TUBGCP6: variants seen among roughly 807,000 people sequenced by gnomAD.
TUBGCP6 encodes the protein tubulin gamma complex component 6.
In TUBGCP6, 161 loss-of-function variants were observed where a neutral mutation model predicts 175.8. That is an observed-to-expected ratio of 0.92 (90% CI 0.81 to 1.04). TUBGCP6 has a LOEUF of 1.04. TUBGCP6 is among the 50% of genes least tolerant of loss of function. The pLI is 0.00. For missense variants in TUBGCP6, 2,572 were observed against 2,433.0 expected (o/e 1.06, Z -1.20); for synonymous variants, 1,173 against 1,030.5 (o/e 1.14, Z -2.65).
chr22:50,224,245 C>T lies in TUBGCP6; in HGVS notation c.2166G>A (p.Ala722=), dbSNP rs374213322. The T allele has an allele frequency of 5.6e-6, 9 of 1,613,996 alleles. No homozygotes were observed. The highest frequency in any genetic ancestry group is 4.0e-5 in the African/African-American group (3 of 74,908). The change falls in exon 13 of 25, where the codon GCG becomes GCA. Residue 722 remains alanine (A), a synonymous_variant. Transcript: ENST00000248846. ...CATCATCCAGCTCCTCCTGCCTGGC[C>T]GCCTGGCGTCGCTATAAAACACATA... ...QFVKDQERRQ[A]ARQEELDDDF...
Position 50,219,446 on chromosome 22 carries a change from G to C in TUBGCP6, c.4326C>G (p.Pro1442=), listed in dbSNP as rs76633938. The change falls in exon 19 of 25, where the codon CCC becomes CCG. Residue 1442 remains proline, a synonymous_variant. Transcript: ENST00000248846. Reference sequence around the variant, plus strand: ...GCACGGGGCGCAAAAGATGAGCAATGGGCGGCTCGGCTGCGGGAGATGGAG... The same window carrying C: ...GCACGGGGCGCAAAAGATGAGCAATCGGCGGCTCGGCTGCGGGAGATGGAG... The part of the protein sequence containing the change: ...PDSYESMSEP[P]IAHLLRPVLP... 8.6e-5 allele frequency: 135 copies of C among 1,575,906 alleles called. No individual in the cohort carries two copies. The highest frequency in any genetic ancestry group is 1.1e-4 in the Non-Finnish European group (125 of 1,162,132).
chr22:50,225,446 C>A (rs1331138339), intron 10 of TUBGCP6, among the ~76,000 whole-genome samples: 1 of 152,204 alleles, frequency 6.6e-6, no homozygotes, highest in African/African-American at 2.4e-5. Context: ...CTGTCCACAG[C>A]TGGCGGGCCC....
chr22:50,228,832 C>T (rs774009191), intron 4 of TUBGCP6, among the ~76,000 whole-genome samples: 1 of 152,106 alleles, frequency 6.6e-6, no homozygotes, highest in Admixed American at 6.5e-5. Context: ...CCTGGCTCCT[C>T]CAGGGCTCTC....
chr22:50,239,809 C>T (rs1423945274), intron 2 of TUBGCP6, among the ~76,000 whole-genome samples: 1 of 152,264 alleles, frequency 6.6e-6, no homozygotes, highest in South Asian at 2.1e-4. Flanking sequence ...GCACTAATCA[C>T]ACAGCCTGCC....
In TUBGCP6 at chr22:50,219,733, G is replaced by A. The variant is rs146983255; in HGVS notation, c.4226C>T (p.Ala1409Val). The A allele has an allele frequency of 7.3e-5, 117 of 1,613,638 alleles. No individual in the cohort carries two copies. Among genetic ancestry groups the A allele is most frequent in the East Asian group, 2.2e-4 (10 of 44,886 alleles). The change falls in exon 18 of 25, where the codon GCG (alanine) becomes GTG (valine). Residue 1409 changes from alanine (A) to valine (V), a missense_variant. Physicochemically the swap from Ala to Val is moderately conservative, Grantham distance 64 (BLOSUM62 0). Coordinates refer to ENST00000248846, the MANE Select transcript of TUBGCP6 (RefSeq NM_020461.4). ...GGCCTGCTCCCCACCCTGAGCCTCC[G>A]CCGCCGATGCCTCCGCCTCCTCACC... The part of the protein sequence containing the change: ...GRGEEAEASA[A>V]EAQGGEQAYL...
chr22:50,239,339 G>T (rs918056965), intron 2 of TUBGCP6, among the ~76,000 whole-genome samples: 1 of 152,048 alleles, frequency 6.6e-6, no homozygotes, highest in African/African-American at 2.4e-5. Context: ...ACCACGCCCA[G>T]CTAATTTTTG....
intron 10 of TUBGCP6, 90 bp from the exon 11 acceptor site, chr22:50,224,682 A>T: frequency 8.0e-7 from 1 of 1,251,432 alleles, no homozygotes; most frequent in South Asian, 1.2e-5. Flanking sequence ...CGAGGTGGGT[A>T]GATCACATGA....
chr22:50,223,792 A>G, intron 13 of TUBGCP6: 1 of 175,930 alleles, frequency 5.7e-6, no homozygotes, highest in East Asian at 1.5e-4. Context: ...AAAAAAAAAA[A>G]AAAAAAAAAA....
At chr22:50,228,488 G>A (rs1307659962) in intron 4 of TUBGCP6, among the ~76,000 whole-genome samples, 2 of 152,180 alleles carry the variant, frequency 1.3e-5, no homozygotes, top group Admixed American at 1.3e-4. Flanking sequence ...CCAGCATCCT[G>A]GGCAACGCCA....
rs201070582 is a variant in TUBGCP6 at position 50,217,888 on chromosome 22, C to T, written c.5368+30G>A. 2.2e-3 allele frequency: 3,602 copies of T among 1,605,210 alleles called. 97 individuals carry two copies. The South Asian group carries it at 0.037, about 16-fold the overall frequency. Reference sequence around the variant, plus strand: ...AGTGTGAGCCCCGCCCTGGCCCCCCCGCAGCCCTCCCAGCCAGGGTGGGCC... The same window carrying T: ...AGTGTGAGCCCCGCCCTGGCCCCCCTGCAGCCCTCCCAGCCAGGGTGGGCC... On this transcript the variant is annotated intron_variant, in intron 24 of 24. Coordinates refer to ENST00000248846, the MANE Select transcript of TUBGCP6 (RefSeq NM_020461.4).
At position 50,217,745 on chromosome 22, in the gene TUBGCP6, C is replaced by T. The variant is rs141707083; in HGVS notation, c.5451G>A (p.Gln1817=). Residue 1817 remains glutamine (Q), a synonymous_variant, in exon 25 of 25, where the codon CAG becomes CAA. Coordinates refer to ENST00000248846, the MANE Select transcript of TUBGCP6 (RefSeq NM_020461.4). ...LLRINFNNYY[Q]DA ...CCCCCGCAGAGCAGCCTCAGGCGTC[C>T]TGGTAGTAGTTGTTGAAGTTGATGC... 1.4e-5 allele frequency: 23 copies of T among 1,613,992 alleles called. No individual in the cohort carries two copies. In the African/African-American group the frequency reaches 2.1e-4, roughly 15 times the overall value.
intron 2 of TUBGCP6, among the ~76,000 whole-genome samples, chr22:50,235,435 C>A (rs2064764989): frequency 6.6e-6 from 1 of 151,186 alleles, no homozygotes; most frequent in African/African-American, 2.4e-5. Flanking sequence ...CAGACCCCTG[C>A]CCATCATTCA....
At position 50,221,261 on chromosome 22, in the gene TUBGCP6, C is replaced by T. The variant is rs185642293; in HGVS notation, c.3098G>A (p.Gly1033Asp). 4 of 1,614,090 alleles carry T rather than the reference C, an allele frequency of 2.5e-6. No homozygotes were observed. The highest frequency in any genetic ancestry group is 2.7e-5 in the African/African-American group (2 of 75,074). Residue 1033 changes from glycine (G) to aspartate (D), a missense_variant, in exon 16 of 25, where the codon GGT (glycine) becomes GAT (aspartate). Physicochemically the swap from Gly to Asp is moderately conservative, Grantham distance 94 (BLOSUM62 -1). Coordinates refer to ENST00000248846, the MANE Select transcript of TUBGCP6 (RefSeq NM_020461.4). Reference protein sequence around the residue: ...ERLFGQVSGGGLPTGDYASEI... With the variant: ...ERLFGQVSGGDLPTGDYASEI... ...AGAAGCGTAGTCCCCTGTGGGAAGA[C>T]CACCCCCTGACACCTGCCCAAAGAG...
At chr22:50,227,148 A>T (rs2147190226) in intron 5 of TUBGCP6, 71 bp from the exon 6 acceptor site, 1 of 1,403,624 alleles carries the variant, frequency 7.1e-7, no homozygotes, top group South Asian at 1.3e-5. Flanking sequence ...GATCGTGAGC[A>T]AAGTCTCCAC....
rs1184649234 is a variant in TUBGCP6, at chr22:50,233,541, G to A, written c.906-15C>T. ...GGCCAGGGGGGCTGCGAGGGGTGCAGAAGAGAGGCCATGAGCAGACGTGGT... is the reference window on the plus strand; with the variant it reads ...GGCCAGGGGGGCTGCGAGGGGTGCAAAAGAGAGGCCATGAGCAGACGTGGT... On this transcript the variant is annotated splice_polypyrimidine_tract_variant and intron_variant, in intron 2 of 24. Coordinates refer to ENST00000248846, the MANE Select transcript of TUBGCP6 (RefSeq NM_020461.4). The A allele has an allele frequency of 4.4e-6, 7 of 1,590,626 alleles. No individual in the cohort carries two copies. The highest frequency in any genetic ancestry group is 6.0e-6 in the Non-Finnish European group (7 of 1,167,894).
Position 50,221,100 on chromosome 22 carries a change from T to C in TUBGCP6, c.3259A>G (p.Ser1087Gly), listed in dbSNP as rs2064514820. The C allele has an allele frequency of 1.2e-6, 2 of 1,612,684 alleles. No individual in the cohort carries two copies. The highest frequency in any genetic ancestry group is 2.7e-5 in the African/African-American group (2 of 74,410). Reference protein sequence around the residue: ...WNTHGHVSNASISLGESVSDV... With the variant: ...WNTHGHVSNAGISLGESVSDV... The stretch of plus-strand genomic sequence containing the variant: ...GACACAGACTCCCCTAAGCTGATGC[T>C]GGCATTGGATACGTGTCCGTGGGTG... The change falls in exon 16 of 25, where the codon AGC (serine) becomes GGC (glycine). Residue 1087 changes from serine to glycine, a missense_variant. Transcript: ENST00000248846.
At position 50,219,100 on chromosome 22, in the gene TUBGCP6, C is replaced by T. The variant is rs753827094; in HGVS notation, c.4594G>A (p.Ala1532Thr). ...AAGAGCAGGTCGCTGAGGGACTGGG[C>T]GAACTCGCCGTCCTCCATCAGCAGG... ...HFLLMEDGEF[A>T]QSLSDLLFEK... Residue 1532 changes from alanine to threonine, a missense_variant, in exon 20 of 25, where the codon GCC becomes ACC. By Grantham distance (58) the Ala-to-Thr change is moderately conservative (BLOSUM62 0). Transcript: ENST00000248846. 36 of 1,612,634 alleles carry T rather than the reference C, an allele frequency of 2.2e-5. No homozygotes were observed. The highest frequency in any genetic ancestry group is 1.7e-4 in the Middle Eastern group (1 of 5,774).
intron 5 of TUBGCP6, among the ~76,000 whole-genome samples, 162 bp downstream of exon 5, chr22:50,227,745 G>A (rs1345576246): frequency 2.6e-5 from 4 of 152,310 alleles, no homozygotes; most frequent in South Asian, 2.1e-4. Flanking sequence ...GCTCAGCACC[G>A]GGCACCTGGT....
chr22:50,226,108 G>C lies in TUBGCP6; in HGVS notation c.1775C>G (p.Ala592Gly), dbSNP rs1325836823. The C allele has an allele frequency of 5.0e-6, 8 of 1,614,198 alleles. No individual in the cohort carries two copies. The highest frequency in any genetic ancestry group is 6.8e-6 in the Non-Finnish European group (8 of 1,180,042). Residue 592 changes from alanine (A) to glycine (G), a missense_variant, in exon 9 of 25, where the codon GCC becomes GGC. Transcript: ENST00000248846. ...DCVPVFLKHI[A>G]HDIYVCGKTI... is the part of the protein sequence containing the mutation. ...CTTTCCGCAGACGTATATGTCGTGGGCAATGTGCTTCAGAAACACGGGAAC... is the reference window on the plus strand; with the variant it reads ...CTTTCCGCAGACGTATATGTCGTGGCCAATGTGCTTCAGAAACACGGGAAC...
Sources: allele counts gnomAD v4.1 joint callset (sites outside exome capture counted in the v4.1 genomes callset), GRCh38; gene constraint gnomAD v4.1.1; transcripts MANE v1.5; gene names NCBI Gene and HGNC (gene_info 2026-07-23, HGNC 2026-07-21).